IL22RA1: variants seen among roughly 807,000 people sequenced by gnomAD.
IL22RA1 encodes the protein interleukin-22 receptor subunit alpha-1.
Under a neutral mutation model 32.8 loss-of-function variants are expected in IL22RA1, and 25 were observed. The ratio of observed to expected loss-of-function variants is 0.76; its 90% CI spans 0.55 to 1.06. IL22RA1 has a LOEUF of 1.06. Among genes scored for constraint, IL22RA1 ranks in the 50% least tolerant of loss-of-function variants. The probability of loss-of-function intolerance (pLI) is 0.00; values close to 1 mark genes in which losing one functional copy is unlikely to be tolerated. For missense variants in IL22RA1, 709 were observed against 727.4 expected, an observed-to-expected ratio of 0.97 and a Z score of 0.29; for synonymous variants, 305 against 305.0, an observed-to-expected ratio of 1.00 and a Z score of 0.00.
At position 24,137,176 on chromosome 1, in the gene IL22RA1, G is replaced by A. The variant is rs374892261; in HGVS notation, c.310C>T (p.Arg104Trp). ...ARVTAVSAGG[R>W]SATKMTDRFS... The stretch of plus-strand genomic sequence containing the variant: ...CTGTCAGTCATCTTGGTGGCTGACC[G>A]GCCTCCCGCACTGACAGCGGTGACC... The change falls in exon 3 of 7, where the codon CGG becomes TGG. Residue 104 changes from arginine (R) to tryptophan (W), a missense_variant. Coordinates refer to ENST00000270800, the MANE Select transcript of IL22RA1 (RefSeq NM_021258.4). 5.7e-5 allele frequency: 92 copies of A among 1,613,838 alleles called. No individual in the cohort carries two copies. Among genetic ancestry groups the A allele is most frequent in the Non-Finnish European group, 6.9e-5 (82 of 1,179,966 alleles).
chr1:24,121,089 G>A lies in IL22RA1; in HGVS notation c.1441C>T (p.Leu481=), dbSNP rs771195444. Residue 481 remains leucine (L), a synonymous_variant, in exon 7 of 7, where the codon CTA becomes TTA. Coordinates refer to ENST00000270800, the MANE Select transcript of IL22RA1 (RefSeq NM_021258.4). Reference sequence around the variant, plus strand: ...GGTGTCCCTTCCTCCCCACTGTGTAGCACATTTGGGTCAGATGTTCTGTCT... The same window carrying A: ...GGTGTCCCTTCCTCCCCACTGTGTAACACATTTGGGTCAGATGTTCTGTCT... ...CTDRTSDPNV[L]HSGEEGTPQY... is the part of the protein sequence containing the mutation. The A allele has an allele frequency of 6.2e-7, 1 of 1,614,198 alleles. No homozygotes were observed. Among genetic ancestry groups the A allele is most frequent in the Non-Finnish European group, 8.5e-7 (1 of 1,180,026 alleles).
intron 1 of IL22RA1, among the ~76,000 whole-genome samples, chr1:24,141,012 G>A (rs969109351): frequency 2.0e-5 from 3 of 152,188 alleles, no homozygotes; most frequent in African/African-American, 7.2e-5. Context: ...CGATGGGGAC[G>A]GAAGAATGGT....
chr1:24,133,126 C>T (rs377544838), intron 4 of IL22RA1, among the ~76,000 whole-genome samples: 1 of 150,910 alleles, frequency 6.6e-6, no homozygotes, highest in South Asian at 2.1e-4. Flanking sequence ...TTCCAGAAAG[C>T]CAATACCAAT....
At chr1:24,124,746 G>C (rs909475595) in intron 5 of IL22RA1, among the ~76,000 whole-genome samples, 1 of 151,988 alleles carries the variant, frequency 6.6e-6, no homozygotes, top group East Asian at 1.9e-4. Flanking sequence ...CCTAGCCCAC[G>C]AGCTTGGGCC....
rs72879677 is a variant in IL22RA1 at position 24,136,602 on chromosome 1, C to T, written c.355+529G>A. Among the ~76,000 whole-genome samples the T allele has an allele frequency of 4.6e-3, 693 of 152,158 alleles. 7 individuals are homozygous for T. Among genetic ancestry groups the T allele is most frequent in the African/African-American group, 0.014 (583 of 41,504 alleles). ...CAGAGAGTGGGAGCAGCAAGGAACCCGAGGCAGGGACTGTCAGAAGCTTGG... is the reference window on the plus strand; with the variant it reads ...CAGAGAGTGGGAGCAGCAAGGAACCTGAGGCAGGGACTGTCAGAAGCTTGG... On this transcript the variant is annotated intron_variant, in intron 3 of 6. Transcript: ENST00000270800.
At chr1:24,121,856 C>T (rs1046153497) in intron 6 of IL22RA1, 119 bp from the exon 7 acceptor site, 17 of 694,584 alleles carry the variant, frequency 2.4e-5, no homozygotes, top group Admixed American at 1.1e-4. Context: ...TTTCAAGATG[C>T]GTCTGTCCCA....
chr1:24,138,222 G>C (rs979087794), intron 2 of IL22RA1, among the ~76,000 whole-genome samples: 1 of 152,142 alleles, frequency 6.6e-6, no homozygotes, highest in South Asian at 2.1e-4. Flanking sequence ...TAAATTTCCA[G>C]GCACAAGTGC....
chr1:24,128,610 G>A lies in IL22RA1; in HGVS notation c.532-331C>T, dbSNP rs571178567. Reference sequence around the variant, plus strand: ...ATTATGACCTCCACCACCCTCCCACGCTCCCACTATCCCTCCTTCTTCCAA... The same window carrying A: ...ATTATGACCTCCACCACCCTCCCACACTCCCACTATCCCTCCTTCTTCCAA... On this transcript the variant is annotated intron_variant, in intron 4 of 6. Transcript: ENST00000270800. Among the ~76,000 whole-genome samples the A allele has an allele frequency of 6.4e-4, 97 of 151,662 alleles. 1 individual carries two copies. Among genetic ancestry groups the A allele is most frequent in the East Asian group, 2.3e-3 (12 of 5,168 alleles).
intron 1 of IL22RA1, among the ~76,000 whole-genome samples, chr1:24,140,651 T>C (rs1305714343): frequency 6.6e-6 from 1 of 152,164 alleles, no homozygotes; most frequent in East Asian, 1.9e-4. Context: ...TAAAGCAATC[T>C]GCACTGTAAA....
chr1:24,121,317 C>T lies in IL22RA1; in HGVS notation c.1213G>A (p.Val405Ile), dbSNP rs959104634. 1.2e-5 allele frequency: 19 copies of T among 1,611,470 alleles called. No individual in the cohort carries two copies. The Admixed American group carries it at 2.2e-4, about 18-fold the overall frequency. The change falls in exon 7 of 7, where the codon GTA becomes ATA. Residue 405 changes from valine to isoleucine, a missense_variant. Transcript: ENST00000270800. Reference protein sequence around the residue: ...TPDSWPPSYGVCMEGSGKDSP... With the variant: ...TPDSWPPSYGICMEGSGKDSP... ...TCTTTGCCAGAACCTTCCATGCATA[C>T]CCCATAGGAGGGAGGCCAGCTGTCC...
intron 1 of IL22RA1, among the ~76,000 whole-genome samples, chr1:24,140,219 C>T (rs1036944574): frequency 3.3e-5 from 5 of 152,224 alleles, no homozygotes; most frequent in Admixed American, 6.5e-5. Context: ...AGAGAGCTGC[C>T]GCCCAGCATC....
chr1:24,134,423 T>C, intron 3 of IL22RA1, 37 bp from the exon 4 acceptor site: 1 of 1,440,578 alleles, frequency 6.9e-7, no homozygotes, highest in South Asian at 1.5e-5. Flanking sequence ...AAAGAAAAAG[T>C]CAGAATCGGT....
At chr1:24,142,366 C>CAG (rs1053206326) in intron 1 of IL22RA1, among the ~76,000 whole-genome samples, 14 of 152,220 alleles carry the variant, frequency 9.2e-5, no homozygotes, top group African/African-American at 3.4e-4. Context: ...ACCAGGAGAG[C>CAG]AGAGAGAGAG....
intron 1 of IL22RA1, among the ~76,000 whole-genome samples, chr1:24,142,091 C>T (rs1253502901): frequency 6.6e-6 from 1 of 152,144 alleles, no homozygotes; most frequent in East Asian, 1.9e-4. Flanking sequence ...TGTCTTGGTG[C>T]CTCAAGGGGG....
chr1:24,137,856 A>T (rs954702926), intron 2 of IL22RA1, among the ~76,000 whole-genome samples: 5 of 152,196 alleles, frequency 3.3e-5, no homozygotes, highest in African/African-American at 1.2e-4. Context: ...TGAGGCTCAA[A>T]GAAGTAAATT....
chr1:24,140,322 G>C (rs542584754), intron 1 of IL22RA1, among the ~76,000 whole-genome samples: 1 of 152,314 alleles, frequency 6.6e-6, no homozygotes, highest in South Asian at 2.1e-4. Flanking sequence ...AATGTGTTTA[G>C]TGTCTAACAG....
At chr1:24,125,528 G>T (rs1283673397) in intron 5 of IL22RA1, among the ~76,000 whole-genome samples, 1 of 150,090 alleles carries the variant, frequency 6.7e-6, no homozygotes, top group Admixed American at 6.6e-5. Flanking sequence ...ACAGTCAAGG[G>T]CAGGATGCAT....
chr1:24,138,432 G>T, intron 2 of IL22RA1, 150 bp downstream of exon 2: 1 of 825,228 alleles, frequency 1.2e-6, no homozygotes, highest in Non-Finnish European at 1.9e-6. Context: ...CTCTGCAAAA[G>T]AAACATAAAG....
At chr1:24,130,079 A>G (rs1644194683) in intron 4 of IL22RA1, among the ~76,000 whole-genome samples, 1 of 152,224 alleles carries the variant, frequency 6.6e-6, no homozygotes, top group South Asian at 2.1e-4. Flanking sequence ...CCAAAATAAC[A>G]ACTATAAATT....
Sources: gnomAD v4.1 joint callset for allele counts (sites outside exome capture counted in the v4.1 genomes callset) on GRCh38, gnomAD v4.1.1 for gene constraint, MANE v1.5 for transcripts, NCBI Gene and HGNC (gene_info 2026-07-23, HGNC 2026-07-21) for gene names.